The following PPP3CA variants were observed in gnomAD, a reference collection of about 807,000 sequenced individuals.
The protein encoded by PPP3CA is protein phosphatase 3 catalytic subunit alpha, also known as CAM-PRP catalytic subunit.
In PPP3CA, 14 loss-of-function variants were observed where a neutral mutation model predicts 66.5. The ratio of observed to expected loss-of-function variants is 0.21; its 90% CI spans 0.14 to 0.33. PPP3CA has a LOEUF of 0.33. Ranked by LOEUF, PPP3CA falls within the 10% of genes least tolerant of loss-of-function variation. PPP3CA has a pLI of 1.00. For missense variants in PPP3CA, 317 were observed against 639.5 expected (o/e 0.50, Z 5.44); for synonymous variants, 232 against 226.2 (o/e 1.03, Z -0.23).
intron 6 of PPP3CA, among the ~76,000 whole-genome samples, chr4:101,084,631 G>A (rs1243942228): frequency 6.7e-6 from 1 of 148,758 alleles, no homozygotes; most frequent in Non-Finnish European, 1.5e-5. Flanking sequence ...CGACAAGAGT[G>A]AAACTCCATC....
At chr4:101,261,042 A>C (rs2583410) in intron 1 of PPP3CA, among the ~76,000 whole-genome samples, 29,312 of 152,086 alleles carry the variant, frequency 0.19, 3,504 homozygotes, top group East Asian at 0.51. Flanking sequence ...TTCCACAAGC[A>C]AGGTAACATC....
chr4:101,115,198 G>C (rs979570872), intron 2 of PPP3CA, among the ~76,000 whole-genome samples: 11 of 152,010 alleles, frequency 7.2e-5, no homozygotes, highest in African/African-American at 2.4e-4. Flanking sequence ...ACTGAACAAT[G>C]AATCAGTCAC....
chr4:101,237,268 T>C (rs180999269), intron 1 of PPP3CA, among the ~76,000 whole-genome samples: 12 of 151,966 alleles, frequency 7.9e-5, no homozygotes, highest in African/African-American at 2.7e-4. Context: ...CTAATGTGTA[T>C]ACAGTAACAC....
chr4:101,263,617 T>A (rs183445291), intron 1 of PPP3CA, among the ~76,000 whole-genome samples: 1 of 151,582 alleles, frequency 6.6e-6, no homozygotes, highest in Non-Finnish European at 1.5e-5. Flanking sequence ...ATGTTTACCA[T>A]GATTAATGGG....
At chr4:101,318,262 G>A (rs1728939737) in intron 1 of PPP3CA, among the ~76,000 whole-genome samples, 2 of 152,112 alleles carry the variant, frequency 1.3e-5, no homozygotes, top group African/African-American at 4.8e-5. Flanking sequence ...GAAAACCCCA[G>A]TGCCAATTAA....
intron 10 of PPP3CA, among the ~76,000 whole-genome samples, chr4:101,057,073 T>C (rs78467503): frequency 1.3e-5 from 2 of 151,988 alleles, no homozygotes; most frequent in Non-Finnish European, 2.9e-5. Flanking sequence ...TTTTTTTTTT[T>C]TGAATCAGTC....
chr4:101,048,868 C>A (rs1406465640), intron 10 of PPP3CA, among the ~76,000 whole-genome samples: 1 of 152,156 alleles, frequency 6.6e-6, no homozygotes, highest in East Asian at 1.9e-4. Flanking sequence ...TGTCTTACAA[C>A]CCACTTTGAA....
intron 1 of PPP3CA, among the ~76,000 whole-genome samples, chr4:101,287,046 G>A (rs1292620720): frequency 6.6e-6 from 1 of 151,066 alleles, no homozygotes; most frequent in Non-Finnish European, 1.5e-5. Flanking sequence ...AAAAAAGTAT[G>A]TGTGTAATAT....
chr4:101,285,641 G>GTA (rs1727823402), intron 1 of PPP3CA, among the ~76,000 whole-genome samples: 1 of 144,638 alleles, frequency 6.9e-6, no homozygotes, highest in Admixed American at 6.9e-5. Context: ...GTGTGTGTGT[G>GTA]TGTGTGTGTG....
At chr4:101,098,297 G>C in intron 5 of PPP3CA, 70 bp downstream of exon 5, 8 of 1,414,700 alleles carry the variant, frequency 5.7e-6, no homozygotes, top group Non-Finnish European at 6.6e-6. Flanking sequence ...ATAAAGGCAG[G>C]GTAATTAATG....
rs566440952 is a variant in PPP3CA at position 101,274,714 on chromosome 4, T to A, written c.58+72025A>T. ...TAGGGAAAAAATACATGTTGTCCAA[T>A]TAGTAAAATCTCTGGGAGTTTATTC... is the stretch of plus-strand genomic sequence containing the variant. On this transcript the variant is annotated intron_variant, in intron 1 of 13. Coordinates refer to ENST00000394854, the MANE Select transcript of PPP3CA (RefSeq NM_000944.5). Among the ~76,000 whole-genome samples the A allele has an allele frequency of 8.9e-4, 135 of 152,316 alleles. 1 individual carries two copies. The Middle Eastern group carries it at 0.01, about 12-fold the overall frequency.
intron 11 of PPP3CA, among the ~76,000 whole-genome samples, chr4:101,039,387 A>C (rs1473248042): frequency 6.9e-6 from 1 of 145,088 alleles, no homozygotes; most frequent in Non-Finnish European, 1.5e-5. Flanking sequence ...AAGTTTCACT[A>C]TATTTACTTA....
rs144874025 is a variant in PPP3CA, at chr4:101,113,913, G to A, written c.260-4835C>T. On this transcript the variant is annotated intron_variant, in intron 2 of 13. Coordinates refer to ENST00000394854, the MANE Select transcript of PPP3CA (RefSeq NM_000944.5). ...GCTCAGGGCCCCCAAATCCTCAGGA[G>A]GCTAGGTCCTTTTTTCTTCTACTTT... Among the ~76,000 whole-genome samples, 140 of 152,204 alleles carry A rather than the reference G, an allele frequency of 9.2e-4. 1 individual carries two copies. The highest frequency in any genetic ancestry group is 3.2e-3 in the African/African-American group (135 of 41,548).
intron 5 of PPP3CA, among the ~76,000 whole-genome samples, chr4:101,096,156 G>C (rs1730186836): frequency 6.6e-6 from 1 of 152,072 alleles, no homozygotes; most frequent in South Asian, 2.1e-4. Flanking sequence ...TTTCCAATAG[G>C]AAAGTAAACA....
chr4:101,106,450 A>AAAG (rs751759518), intron 3 of PPP3CA, among the ~76,000 whole-genome samples: 513 of 11,112 alleles, frequency 0.046, 122 homozygotes, highest in East Asian at 0.09. Context: ...AGAAAGAAAG[A>AAAG]AAGAGAAAAG....
rs70961788 is a variant in PPP3CA, at chr4:101,333,270, GTTTTTTTT to G, written c.58+13461_58+13468del. On this transcript the variant is annotated intron_variant, in intron 1 of 13. Transcript: ENST00000394854. The stretch of plus-strand genomic sequence containing the variant: ...CTACAGGCATGCACTACCATGCCCA[GTTTTTTTT>G]TTTTTTTTTTTTTTTTTTTTTTTTT... Among the ~76,000 whole-genome samples the G allele has an allele frequency of 1.9e-3, 90 of 47,262 alleles. 2 individuals are homozygous for G. The highest frequency in any genetic ancestry group is 7.5e-3 in the East Asian group (16 of 2,142). The allele number at this position is 47,262 out of a possible 152,430, so 31.0% of individuals were successfully genotyped here.
intron 2 of PPP3CA, among the ~76,000 whole-genome samples, chr4:101,150,906 T>A (rs1336929684): frequency 2.0e-5 from 3 of 152,208 alleles, no homozygotes; most frequent in African/African-American, 7.2e-5. Context: ...TTAGGGGACA[T>A]AACCATACTT....
intron 1 of PPP3CA, among the ~76,000 whole-genome samples, chr4:101,270,599 T>C (rs972466714): frequency 6.6e-6 from 1 of 152,172 alleles, no homozygotes; most frequent in African/African-American, 2.4e-5. Flanking sequence ...TATTGGTCTG[T>C]TAAATGGTCA....
rs186393167 is a variant in PPP3CA, at chr4:101,093,626, T to C, written c.782+150A>G. 9 of 771,208 alleles carry C rather than the reference T, an allele frequency of 1.2e-5. No homozygotes were observed. In the Admixed American group the frequency reaches 3.2e-4, roughly 27 times the overall value. The allele number at this position is 771,208 out of a possible 1,614,324, so 47.8% of individuals were successfully genotyped here. On this transcript the variant is annotated intron_variant, in intron 6 of 13. Coordinates refer to ENST00000394854, the MANE Select transcript of PPP3CA (RefSeq NM_000944.5). The stretch of plus-strand genomic sequence containing the variant: ...ACATTTATTTACTCACTTATTCATT[T>C]ATTTATATTTTCATTTTATAAATGC...
Sources: allele counts gnomAD v4.1 joint callset (sites outside exome capture counted in the v4.1 genomes callset), GRCh38; gene constraint gnomAD v4.1.1; transcripts MANE v1.5; gene names NCBI Gene and HGNC (gene_info 2026-07-23, HGNC 2026-07-21).